Variants in ADK observed in about 807,000 individuals in gnomAD.
The protein encoded by ADK is adenosine kinase, also known as N6,N6-dimethyladenosine kinase.
A neutral mutation model predicts 44.7 loss-of-function variants in ADK; 24 were observed. The ratio of observed to expected loss-of-function variants is 0.54; its 90% confidence interval spans 0.39 to 0.76. The LOEUF (loss-of-function observed/expected upper bound fraction) is 0.76. Ranked by LOEUF, ADK falls within the 30% of genes least tolerant of loss-of-function variation. The pLI is 0.00. For missense variants in ADK, 321 were observed against 425.1 expected (o/e 0.76, Z 2.15); for synonymous variants, 128 against 142.6 (o/e 0.90, Z 0.73).
intron 6 of ADK, among the ~76,000 whole-genome samples, chr10:74,522,577 A>G (rs1179176258): frequency 6.6e-6 from 1 of 152,168 alleles, no homozygotes; most frequent in Non-Finnish European, 1.5e-5. Flanking sequence ...CTGCCACTAA[A>G]TTAATTTTTT....
chr10:74,201,975 A>G (rs1014076232), intron 2 of ADK, among the ~76,000 whole-genome samples: 2 of 152,132 alleles, frequency 1.3e-5, no homozygotes, highest in African/African-American at 4.8e-5. Context: ...TATAAAGTAT[A>G]CAATTCAGTG....
At chr10:74,172,155 T>G (rs1842180108) in intron 1 of ADK, among the ~76,000 whole-genome samples, 1 of 150,280 alleles carries the variant, frequency 6.7e-6, no homozygotes, top group Non-Finnish European at 1.5e-5. Context: ...TTTTTTTTTT[T>G]TAAGACAGGG....
At chr10:74,487,174 A>G (rs577529205) in intron 6 of ADK, among the ~76,000 whole-genome samples, 2 of 152,098 alleles carry the variant, frequency 1.3e-5, no homozygotes, top group African/African-American at 4.8e-5. Flanking sequence ...AGTTAAATAT[A>G]GAAAAGGATT....
At chr10:74,477,526 A>G (rs1846900212) in intron 6 of ADK, among the ~76,000 whole-genome samples, 2 of 152,200 alleles carry the variant, frequency 1.3e-5, no homozygotes, top group African/African-American at 4.8e-5. Context: ...TTAAAAGATA[A>G]TAAGTATTCT....
intron 6 of ADK, among the ~76,000 whole-genome samples, chr10:74,458,306 T>A (rs940678939): frequency 1.4e-5 from 2 of 147,740 alleles, no homozygotes; most frequent in African/African-American, 5.0e-5. Flanking sequence ...TTTGTTTTTT[T>A]TTTTTTTTTT....
intron 4 of ADK, among the ~76,000 whole-genome samples, chr10:74,383,867 T>C (rs1843056426): frequency 6.6e-6 from 1 of 152,226 alleles, no homozygotes; most frequent in African/African-American, 2.4e-5. Flanking sequence ...GTCTTATGAT[T>C]TGCTTCAGAG....
At chr10:74,543,667 GTTATT>G (rs1849727502) in intron 7 of ADK, among the ~76,000 whole-genome samples, 1 of 152,062 alleles carries the variant, frequency 6.6e-6, no homozygotes, top group South Asian at 2.1e-4. Flanking sequence ...TTTTAATGGG[GTTATT>G]TTAATATTTG....
intron 1 of ADK, among the ~76,000 whole-genome samples, chr10:74,161,086 T>C (rs1266606033): frequency 6.6e-6 from 1 of 152,208 alleles, no homozygotes; most frequent in Non-Finnish European, 1.5e-5. Context: ...TATGTGCATG[T>C]TTTATCTCAC....
chr10:74,550,071 AC>A (rs1320335089), intron 7 of ADK, among the ~76,000 whole-genome samples: 1 of 117,488 alleles, frequency 8.5e-6, no homozygotes, highest in Non-Finnish European at 1.9e-5. Flanking sequence ...GAACCCAATC[AC>A]TTTTTTTTTT....
At chr10:74,225,276 C>T (rs1390680499) in intron 3 of ADK, among the ~76,000 whole-genome samples, 2 of 152,024 alleles carry the variant, frequency 1.3e-5, no homozygotes, top group Non-Finnish European at 2.9e-5. Flanking sequence ...TGGGGTTTTG[C>T]CATGTTGGCC....
chr10:74,484,574 A>G (rs1847198710), intron 6 of ADK, among the ~76,000 whole-genome samples: 1 of 152,218 alleles, frequency 6.6e-6, no homozygotes. Flanking sequence ...CAACCAAAAA[A>G]CAAGATTTTT....
chr10:74,504,112 C>T (rs902710614), intron 6 of ADK, among the ~76,000 whole-genome samples: 4 of 152,258 alleles, frequency 2.6e-5, no homozygotes, highest in Non-Finnish European at 5.9e-5. Context: ...GCACTGACAC[C>T]CCAGGGTACT....
At chr10:74,173,989 C>A (rs186675655) in intron 1 of ADK, among the ~76,000 whole-genome samples, 17 of 151,518 alleles carry the variant, frequency 1.1e-4, no homozygotes, top group Admixed American at 4.6e-4. Context: ...ATGGGTAAAC[C>A]GAGGGACAGA....
rs1840059910 is a variant in ADK at position 74,302,096 on chromosome 10, TTTTTGTTTGTTTG to T, written c.195-12566_195-12554del. On this transcript the variant is annotated intron_variant, in intron 3 of 10. Coordinates refer to ENST00000539909, the MANE Select transcript of ADK (RefSeq NM_006721.4). ...TTGCTTTCTTTTCTTTTCTGTTTTT[TTTTTGTTTGTTTG>T]TTTTTTTTTTTTTTTTTTTTTTTTT... is the stretch of plus-strand genomic sequence containing the variant. Among the ~76,000 whole-genome samples, 7 of 61,892 alleles carry T rather than the reference TTTTTGTTTGTTTG, an allele frequency of 1.1e-4. 1 individual carries two copies. Among genetic ancestry groups the T allele is most frequent in the African/African-American group, 2.3e-4 (4 of 17,758 alleles). 40.6% of individuals were successfully genotyped at this position (61,892 alleles called of 152,430 possible).
chr10:74,437,092 T>A, intron 6 of ADK, among the ~76,000 whole-genome samples: 1 of 151,826 alleles, frequency 6.6e-6, no homozygotes, highest in Admixed American at 6.6e-5. Context: ...AACAAAATAA[T>A]CAAAGTGGTC....
intron 3 of ADK, among the ~76,000 whole-genome samples, chr10:74,307,101 C>G (rs1323788043): frequency 6.6e-6 from 1 of 152,146 alleles, no homozygotes; most frequent in Non-Finnish European, 1.5e-5. Context: ...ATCCTTCCCC[C>G]CAAACCCCAG....
intron 3 of ADK, among the ~76,000 whole-genome samples, chr10:74,288,072 C>T (rs1847259408): frequency 6.6e-6 from 1 of 150,844 alleles, no homozygotes; most frequent in Non-Finnish European, 1.5e-5. Context: ...TCTTTATATA[C>T]AGAAACCCTG....
chr10:74,371,890 C>A, intron 4 of ADK: 4 of 1,477,804 alleles, frequency 2.7e-6, no homozygotes, highest in South Asian at 1.1e-5. Context: ...TTCCAAGAGC[C>A]ACGGCTTCTT....
At chr10:74,390,004 A>G (rs1022471059) in intron 4 of ADK, among the ~76,000 whole-genome samples, 7 of 152,078 alleles carry the variant, frequency 4.6e-5, no homozygotes, top group African/African-American at 1.4e-4. Context: ...AAAGTTTGCT[A>G]TTATTTTGAT....
Sources: gnomAD v4.1 joint callset for allele counts (sites outside exome capture counted in the v4.1 genomes callset) on GRCh38, gnomAD v4.1.1 for gene constraint, MANE v1.5 for transcripts, NCBI Gene and HGNC (gene_info 2026-07-23, HGNC 2026-07-21) for gene names.